Variants in SMC4 observed in about 807,000 individuals in gnomAD.
SMC4 encodes the protein structural maintenance of chromosomes 4, also known as structural maintenance of chromosomes protein 4.
SMC4 carries 87 observed loss-of-function variants against 145.6 expected under a neutral mutation model. The ratio of observed to expected loss-of-function variants is 0.60; its 90% confidence interval spans 0.50 to 0.71. The LOEUF (loss-of-function observed/expected upper bound fraction) is 0.71, where lower values mean the gene tolerates loss of function less well. Among genes scored for constraint, SMC4 ranks in the 30% least tolerant of loss-of-function variants. The probability of loss-of-function intolerance (pLI) is 0.00; values close to 1 mark genes in which losing one functional copy is unlikely to be tolerated. For missense variants in SMC4, 1,447 were observed against 1,537.1 expected (o/e 0.94, Z 0.98); for synonymous variants, 558 against 500.7 (o/e 1.11, Z -1.53).
rs1208179892 is a variant in SMC4 at position 160,409,677 on chromosome 3, A to T, written c.688-2243A>T. On this transcript the variant is annotated intron_variant, in intron 5 of 23. Coordinates refer to ENST00000357388, the MANE Select transcript of SMC4 (RefSeq NM_001002800.3). ...TGGGATGGTTTTTCATTTTCTTAAA[A>T]TAAGTGTTCAGATATTCTCCTTGAA... Among the ~76,000 whole-genome samples the T allele has an allele frequency of 5.3e-5, 8 of 152,200 alleles. 1 individual carries two copies. The highest frequency in any genetic ancestry group is 1.9e-4 in the African/African-American group (8 of 41,428).
In SMC4 at chr3:160,425,019, G is replaced by GGTTTGTGTGTGTGT; in HGVS notation, c.2478+2_2478+3insTTGTGTGTGTGTGT. On this transcript the variant is annotated frameshift_variant and splice_region_variant. Coordinates refer to ENST00000357388, the MANE Select transcript of SMC4 (RefSeq NM_001002800.3). LOFTEE classifies it high-confidence loss of function. ...TAGAAAAATTTACTGCAAGCATCCA[G>GGTTTGTGTGTGTGT]GTATGTGTGTGTGTGTGTGTGTGTG... The GGTTTGTGTGTGTGT allele has an allele frequency of 9.8e-6, 12 of 1,226,906 alleles. No homozygotes were observed. Among genetic ancestry groups the GGTTTGTGTGTGTGT allele is most frequent in the Non-Finnish European group, 1.2e-5 (11 of 904,374 alleles). 76.0% of individuals were successfully genotyped at this position (1,226,906 alleles called of 1,614,324 possible). A position where few individuals can be genotyped will look rare whatever the true frequency, so the allele number is the denominator to read the frequency against.
At chr3:160,431,399 G>A (rs1718390202) in intron 20 of SMC4, among the ~76,000 whole-genome samples, 194 bp downstream of exon 20, 3 of 152,120 alleles carry the variant, frequency 2.0e-5, no homozygotes. Context: ...AAAAGTCTGA[G>A]TAACGATTAG....
chr3:160,430,867 T>C lies in SMC4; in HGVS notation c.2940+124T>C, dbSNP rs1718329518. On this transcript the variant is annotated intron_variant, in intron 19 of 23. Coordinates refer to ENST00000357388, the MANE Select transcript of SMC4 (RefSeq NM_001002800.3). Reference sequence around the variant, plus strand: ...AGACTTAAAGTTTTATAACTATCAATTTTTATTTGTACAATAAGAATACTA... The same window carrying C: ...AGACTTAAAGTTTTATAACTATCAACTTTTATTTGTACAATAAGAATACTA... The C allele has an allele frequency of 2.4e-6, 3 of 1,258,640 alleles. No homozygotes were observed. In the African/African-American group the frequency reaches 4.6e-5, roughly 19 times the overall value. 78.0% of individuals were successfully genotyped at this position (1,258,640 alleles called of 1,614,324 possible).
At chr3:160,432,717 T>C (rs940364856) in intron 22 of SMC4, 11 of 535,696 alleles carry the variant, frequency 2.1e-5, no homozygotes, top group Non-Finnish European at 3.6e-5. Flanking sequence ...TTTGTCTAGT[T>C]CATCTTTTCT....
In SMC4 at chr3:160,400,858, C is replaced by T. The variant is rs868491166; in HGVS notation, c.32C>T (p.Ala11Val). Residue 11 changes from alanine (A) to valine (V), a missense_variant, in exon 2 of 24, where the codon GCC (alanine) becomes GTC (valine). Transcript: ENST00000357388. MPRKGTQPST[A>V]RRREEGPPPP... ...CGTAAAGGCACCCAGCCCTCCACTGCCCGGCGCAGAGAGGAAGGGCCGCCG... is the reference window on the plus strand; with the variant it reads ...CGTAAAGGCACCCAGCCCTCCACTGTCCGGCGCAGAGAGGAAGGGCCGCCG... 1 of 1,534,978 alleles carries T rather than the reference C, an allele frequency of 6.5e-7. No individual in the cohort carries two copies. The highest frequency in any genetic ancestry group is 8.7e-7 in the Non-Finnish European group (1 of 1,150,592).
chr3:160,419,300 A>G (rs954812432), intron 11 of SMC4, 58 bp from the exon 12 acceptor site: 2 of 1,157,828 alleles, frequency 1.7e-6, no homozygotes, highest in East Asian at 4.8e-5. Context: ...ATTCAGTGCT[A>G]TGACTGGTCA....
chr3:160,425,943 T>A, intron 16 of SMC4, 131 bp from the exon 17 acceptor site: 2 of 641,826 alleles, frequency 3.1e-6, no homozygotes, highest in South Asian at 2.4e-5. Context: ...TTTATATCAA[T>A]GGCACATATC....
rs200564556 is a variant in SMC4 at position 160,402,100 on chromosome 3, G to A, written c.318+7G>A. ...TCTGGGACCTTTCCATAAGGTATTT[G>A]TATGGAAATAACTATTTTATAACTT... On this transcript the variant is annotated splice_region_variant and intron_variant, in intron 3 of 23. Coordinates refer to ENST00000357388, the MANE Select transcript of SMC4 (RefSeq NM_001002800.3). The A allele has an allele frequency of 2.7e-6, 4 of 1,497,642 alleles. No individual in the cohort carries two copies. The highest frequency in any genetic ancestry group is 2.9e-5 in the African/African-American group (2 of 68,838). The allele number at this position is 1,497,642 out of a possible 1,614,324, so 92.8% of individuals were successfully genotyped here.
chr3:160,421,231 A>G (rs146840202), intron 13 of SMC4, among the ~76,000 whole-genome samples: 2 of 152,088 alleles, frequency 1.3e-5, no homozygotes, highest in Non-Finnish European at 2.9e-5. Flanking sequence ...ACCCAGCCCT[A>G]TAATTGAATT....
At chr3:160,430,959 C>A (rs1282711200) in intron 19 of SMC4, 73 bp from the exon 20 acceptor site, 2 of 1,435,060 alleles carry the variant, frequency 1.4e-6, no homozygotes, top group African/African-American at 1.5e-5. Context: ...ATTGGTAATT[C>A]CTTCATCTCT....
At chr3:160,409,008 T>C (rs1715655982) in intron 5 of SMC4, among the ~76,000 whole-genome samples, 1 of 152,040 alleles carries the variant, frequency 6.6e-6, no homozygotes, top group Admixed American at 6.5e-5. Context: ...TTAAGACTGC[T>C]GTAATCCCAG....
rs1026151625 is a variant in SMC4, at chr3:160,400,937, C to G, written c.111C>G (p.Gly37=). Residue 37 remains glycine, a synonymous_variant, in exon 2 of 24, where the codon GGC becomes GGG. Transcript: ENST00000357388. The stretch of plus-strand genomic sequence containing the variant: ...ACGCGGAGCCTGAGCCGCCGTCCGG[C>G]CGCACGGAGAGCCCAGCCACCGCCG... The part of the protein sequence containing the change: ...SSDAEPEPPS[G]RTESPATAAE... 3.4e-6 allele frequency: 5 copies of G among 1,463,052 alleles called. No homozygotes were observed. In the African/African-American group the frequency reaches 5.9e-5, roughly 17 times the overall value. 90.6% of individuals were successfully genotyped at this position (1,463,052 alleles called of 1,614,324 possible).
intron 4 of SMC4, among the ~76,000 whole-genome samples, chr3:160,403,802 T>A (rs1714990379): frequency 6.6e-6 from 1 of 152,136 alleles, no homozygotes; most frequent in Non-Finnish European, 1.5e-5. Flanking sequence ...TTTTTAAAAA[T>A]CTGTTTAAAA....
Position 160,428,768 on chromosome 3 carries a change from C to G in SMC4, c.2621C>G (p.Ala874Gly), listed in dbSNP as rs753725902. The G allele has an allele frequency of 1.3e-6, 2 of 1,584,276 alleles. No homozygotes were observed. The highest frequency in any genetic ancestry group is 1.7e-6 in the Non-Finnish European group (2 of 1,172,594). Residue 874 changes from alanine to glycine, a missense_variant, in exon 18 of 24, where the codon GCT becomes GGT. Ala to Gly is a moderately conservative substitution (Grantham distance 60, BLOSUM62 0). Transcript: ENST00000357388. ...SAFKTEYDAV[A>G]EKAGKVEAEV... ...TTAATTTCAGAATATGATGCTGTGG[C>G]TGAGAAAGCTGGTAAAGTAGAAGCT...
chr3:160,423,868 C>CTTTTT, intron 15 of SMC4, 28 bp downstream of exon 15: 1 of 1,223,102 alleles, frequency 8.2e-7, no homozygotes. Flanking sequence ...TGTATCCAGA[C>CTTTTT]TTTTTTTTTT....
At chr3:160,421,602 G>C (rs1198573717) in intron 13 of SMC4, among the ~76,000 whole-genome samples, 1 of 152,208 alleles carries the variant, frequency 6.6e-6, no homozygotes, top group Non-Finnish European at 1.5e-5. Context: ...AAATTAGCTA[G>C]GCATGGTAGC....
At chr3:160,410,673 T>G (rs1348282474) in intron 5 of SMC4, among the ~76,000 whole-genome samples, 1 of 151,816 alleles carries the variant, frequency 6.6e-6, no homozygotes, top group Non-Finnish European at 1.5e-5. Flanking sequence ...ATAAAATTAT[T>G]TCTTAATGAG....
rs66870368 is a variant in SMC4 at position 160,425,022 on chromosome 3, ATG to A, written c.2478+33_2478+34del. 109,771 of 1,373,120 alleles carry A rather than the reference ATG, an allele frequency of 0.08. 30 individuals are homozygous for A. The highest frequency in any genetic ancestry group is 0.16 in the East Asian group (6,163 of 37,674). The allele number at this position is 1,373,120 out of a possible 1,614,324, so 85.1% of individuals were successfully genotyped here. ...AAAAATTTACTGCAAGCATCCAGGTATGTGTGTGTGTGTGTGTGTGTGTGTGT... is the reference window on the plus strand; with the variant it reads ...AAAAATTTACTGCAAGCATCCAGGTATGTGTGTGTGTGTGTGTGTGTGTGT... On this transcript the variant is annotated splice_donor_5th_base_variant and intron_variant, in intron 16 of 23. Transcript: ENST00000357388.
chr3:160,400,709 C>G (rs984550005), intron 1 of SMC4, 113 bp from the exon 2 acceptor site: 1 of 1,286,830 alleles, frequency 7.8e-7, no homozygotes, highest in African/African-American at 1.6e-5. Flanking sequence ...TGCCTCTAAG[C>G]GGAGTGTTAA....
Sources: allele counts gnomAD v4.1 joint callset (sites outside exome capture counted in the v4.1 genomes callset), GRCh38; gene constraint gnomAD v4.1.1; transcripts MANE v1.5; gene names NCBI Gene and HGNC (gene_info 2026-07-23, HGNC 2026-07-21).